PRKN: variants seen among roughly 807,000 people sequenced by gnomAD.
PRKN encodes parkin RBR E3 ubiquitin protein ligase.
A neutral mutation model predicts 59.5 loss-of-function variants in PRKN; 56 were observed. The ratio of observed to expected loss-of-function variants is 0.94; its 90% confidence interval spans 0.76 to 1.18. The LOEUF is 1.18. Among genes scored for constraint, PRKN ranks in the 50% most tolerant of loss-of-function variants. The probability of loss-of-function intolerance (pLI) is 0.00; values close to 1 mark genes in which losing one functional copy is unlikely to be tolerated. For missense variants in PRKN, 657 were observed against 596.4 expected, an observed-to-expected ratio of 1.10 and a Z score of -1.06; for synonymous variants, 250 against 222.1, an observed-to-expected ratio of 1.13 and a Z score of -1.12.
intron 4 of PRKN, among the ~76,000 whole-genome samples, chr6:162,081,633 A>AGCATAATCTTAAG (rs1401352376): frequency 2.0e-5 from 3 of 152,142 alleles, no homozygotes; most frequent in Non-Finnish European, 2.9e-5. Context: ...CAGTAAACTT[A>AGCATAATCTTAAG]GCATAATCTT....
At chr6:162,304,428 A>T (rs184775719) in intron 2 of PRKN, among the ~76,000 whole-genome samples, 4 of 150,996 alleles carry the variant, frequency 2.6e-5, no homozygotes, top group East Asian at 3.9e-4. Flanking sequence ...TCACACATAA[A>T]CATACTTCTT....
chr6:162,576,974 G>A (rs1490179229), intron 1 of PRKN, among the ~76,000 whole-genome samples: 1 of 152,064 alleles, frequency 6.6e-6, no homozygotes. Flanking sequence ...CAAAAATAAT[G>A]CCTTTCATTT....
intron 7 of PRKN, among the ~76,000 whole-genome samples, chr6:161,740,231 G>A (rs930190725): frequency 2.0e-5 from 3 of 152,182 alleles, no homozygotes; most frequent in Non-Finnish European, 2.9e-5. Context: ...AATAGCACCT[G>A]GATGCCCATG....
chr6:162,125,698 T>C (rs1583068508), intron 4 of PRKN, among the ~76,000 whole-genome samples: 1 of 152,166 alleles, frequency 6.6e-6, no homozygotes, highest in Non-Finnish European at 1.5e-5. Context: ...GCCAAAGTCA[T>C]AAAAGGGTCA....
At chr6:162,470,580 A>C (rs980358541) in intron 1 of PRKN, among the ~76,000 whole-genome samples, 2 of 148,984 alleles carry the variant, frequency 1.3e-5, no homozygotes, top group Admixed American at 6.7e-5. Flanking sequence ...AACACTGCGA[A>C]ACTCTGTCTC....
chr6:162,595,238 GTTTTCTTT>G (rs1296680096), intron 1 of PRKN, among the ~76,000 whole-genome samples: 6 of 152,026 alleles, frequency 3.9e-5, no homozygotes, highest in African/African-American at 7.2e-5. Flanking sequence ...TTGTTCCTGA[GTTTTCTTT>G]TTTTCTTTTT....
At chr6:161,932,746 A>G (rs1295334578) in intron 6 of PRKN, among the ~76,000 whole-genome samples, 3 of 152,222 alleles carry the variant, frequency 2.0e-5, no homozygotes, top group Non-Finnish European at 2.9e-5. Flanking sequence ...ATCTTGCTGA[A>G]ATAGCAATTA....
At chr6:161,882,695 GA>G (rs1395874962) in intron 6 of PRKN, among the ~76,000 whole-genome samples, 3 of 152,142 alleles carry the variant, frequency 2.0e-5, no homozygotes, top group African/African-American at 7.2e-5. Context: ...GATGGATGAA[GA>G]AGGTTGAATT....
rs577938982 is a variant in PRKN, at chr6:161,512,731, A to G, written c.1083+36123T>C. 6.6e-5 allele frequency among the ~76,000 whole-genome samples: 10 copies of G among 152,312 alleles called. No individual in the cohort carries two copies. In the East Asian group the frequency reaches 1.7e-3, roughly 26 times the overall value. ...AAAACAATCACGTGTGACTATGTAG[A>G]GCAAACGCGGAGAGGCAAGTGCCCC... is the stretch of plus-strand genomic sequence containing the variant. On this transcript the variant is annotated intron_variant, in intron 9 of 11. Coordinates refer to ENST00000366898, the MANE Select transcript of PRKN (RefSeq NM_004562.3).
rs537672763 is a variant in PRKN at position 161,552,999 on chromosome 6, C to A, written c.934-3996G>T. On this transcript the variant is annotated intron_variant, in intron 8 of 11. Coordinates refer to ENST00000366898, the MANE Select transcript of PRKN (RefSeq NM_004562.3). The surrounding 1 kb of genome is among the most constrained non-coding windows in gnomAD (Gnocchi z 4.9). ...AGAGACGGGGTTTCACCATGTTGGCCAGGATGATCTCGATCTCCTGACCTC... is the reference window on the plus strand; with the variant it reads ...AGAGACGGGGTTTCACCATGTTGGCAAGGATGATCTCGATCTCCTGACCTC... 3.2e-4 allele frequency among the ~76,000 whole-genome samples: 48 copies of A among 151,740 alleles called. 1 individual carries two copies. In the South Asian group the frequency reaches 0.01, roughly 32 times the overall value.
intron 6 of PRKN, among the ~76,000 whole-genome samples, chr6:161,948,492 CTAAA>C (rs1779864442): frequency 6.6e-6 from 1 of 152,128 alleles, no homozygotes; most frequent in African/African-American, 2.4e-5. Flanking sequence ...CTACAGTCTC[CTAAA>C]TAAAGGTAGA....
chr6:162,258,059 G>A (rs1167959103), intron 3 of PRKN, among the ~76,000 whole-genome samples: 3 of 152,090 alleles, frequency 2.0e-5, no homozygotes, highest in East Asian at 3.9e-4. Context: ...AGTTGCTGTC[G>A]CCTCTGCCAT....
chr6:162,077,766 G>A (rs770393600), intron 4 of PRKN, among the ~76,000 whole-genome samples: 15 of 151,920 alleles, frequency 9.9e-5, no homozygotes, highest in East Asian at 1.9e-4. Flanking sequence ...TTGAGAGGCC[G>A]AGGCGGGTGG....
chr6:162,084,589 T>C (rs1779179273), intron 4 of PRKN, among the ~76,000 whole-genome samples: 1 of 152,166 alleles, frequency 6.6e-6, no homozygotes, highest in Non-Finnish European at 1.5e-5. Flanking sequence ...AATAATTGTG[T>C]TATACTGTTG....
intron 2 of PRKN, among the ~76,000 whole-genome samples, chr6:162,354,360 G>A (rs9456770): frequency 0.033 from 5,091 of 152,152 alleles, 280 homozygotes; most frequent in African/African-American, 0.12. Flanking sequence ...ATAAAATTGC[G>A]TCACAAAGCA....
chr6:162,691,569 G>A (rs1421068323), intron 1 of PRKN, among the ~76,000 whole-genome samples: 2 of 152,114 alleles, frequency 1.3e-5, no homozygotes, highest in Non-Finnish European at 2.9e-5. Flanking sequence ...TACATCTCAA[G>A]AAGTTTGAAT....
intron 9 of PRKN, among the ~76,000 whole-genome samples, chr6:161,450,756 T>A: frequency 6.6e-6 from 1 of 152,148 alleles, no homozygotes; most frequent in Non-Finnish European, 1.5e-5. Flanking sequence ...AGGGTTTCAC[T>A]GTGTTAGCCA....
chr6:162,245,868 A>G (rs544592165), intron 3 of PRKN, among the ~76,000 whole-genome samples: 1 of 152,284 alleles, frequency 6.6e-6, no homozygotes, highest in Non-Finnish European at 1.5e-5. Flanking sequence ...AATAAGAGAC[A>G]ACAGAGACTA....
chr6:161,941,410 GCTGAGCAGC>G (rs1008724373), intron 6 of PRKN, among the ~76,000 whole-genome samples: 3 of 152,228 alleles, frequency 2.0e-5, no homozygotes, highest in Non-Finnish European at 2.9e-5. Flanking sequence ...ATCCCAGGCT[GCTGAGCAGC>G]CCGACTCCAG....
Sources: allele counts gnomAD v4.1 joint callset (sites outside exome capture counted in the v4.1 genomes callset), GRCh38; gene constraint gnomAD v4.1.1; non-coding constraint Gnocchi (gnomAD v3.1); transcripts MANE v1.5; gene names NCBI Gene and HGNC (gene_info 2026-07-23, HGNC 2026-07-21).